RGS8: variants seen among roughly 807,000 people sequenced by gnomAD.
RGS8 encodes the protein regulator of G-protein signaling 8.
RGS8 carries 8 observed loss-of-function variants against 21.7 expected under a neutral mutation model. The ratio of observed to expected loss-of-function variants is 0.37; its 90% CI spans 0.22 to 0.66. RGS8 has a LOEUF of 0.66. Among genes scored for constraint, RGS8 ranks in the 30% least tolerant of loss-of-function variants. RGS8 has a pLI of 0.59. For missense variants in RGS8, 157 were observed against 217.9 expected (o/e 0.72, Z 1.76); for synonymous variants, 80 against 83.6 (o/e 0.96, Z 0.24).
chr1:182,713,329 G>A, the RGS8 span, among the ~76,000 whole-genome samples: 2 of 151,990 alleles, frequency 1.3e-5, no homozygotes, highest in East Asian at 3.9e-4. Context: ...GATTACAGGC[G>A]CATGCCACCA....
At chr1:182,733,386 T>C in the RGS8 span, among the ~76,000 whole-genome samples, 1 of 152,234 alleles carries the variant, frequency 6.6e-6, no homozygotes, top group Admixed American at 6.5e-5. Flanking sequence ...ATCCATCTGC[T>C]ATATGTTTAC....
chr1:182,651,310 T>A (rs1438156198), intron 5 of RGS8, among the ~76,000 whole-genome samples: 1 of 152,220 alleles, frequency 6.6e-6, no homozygotes, highest in African/African-American at 2.4e-5. Context: ...ATGCACTTAA[T>A]AAACCTAACC....
chr1:182,684,902 A>G (rs1664661565), upstream of RGS8, among the ~76,000 whole-genome samples: 1 of 152,210 alleles, frequency 6.6e-6, no homozygotes, highest in Admixed American at 6.5e-5. This position sits in a 1 kb window ranked among gnomAD's most constrained non-coding sequence, Gnocchi z 4.2. Flanking sequence ...GCTTTTGCTC[A>G]AAACATTCCA....
intron 5 of RGS8, among the ~76,000 whole-genome samples, chr1:182,652,089 A>C (rs1161534954): frequency 6.6e-6 from 1 of 152,254 alleles, no homozygotes. Flanking sequence ...TTTGTCTAAA[A>C]GAATAACTGG....
chr1:182,736,552 C>A, the RGS8 span, among the ~76,000 whole-genome samples: 1 of 152,166 alleles, frequency 6.6e-6, no homozygotes, highest in East Asian at 1.9e-4. Flanking sequence ...TTAGCAAAGC[C>A]CACTTCAAGA....
chr1:182,696,406 G>A, the RGS8 span, among the ~76,000 whole-genome samples: 2 of 152,262 alleles, frequency 1.3e-5, no homozygotes, highest in Admixed American at 6.5e-5. Context: ...CACCCAGGCT[G>A]GAATGTAGTG....
At chr1:182,675,702 A>C (rs929505810), upstream of RGS8, among the ~76,000 whole-genome samples, 5 of 152,144 alleles carry the variant, frequency 3.3e-5, no homozygotes, top group Non-Finnish European at 7.3e-5. Context: ...CCTCAAGCTA[A>C]AAATTCTCCT....
At chr1:182,731,137 AG>A in the RGS8 span, among the ~76,000 whole-genome samples, 1 of 152,234 alleles carries the variant, frequency 6.6e-6, no homozygotes, top group South Asian at 2.1e-4. Flanking sequence ...TCCCAAGCAT[AG>A]GCACTAATTG....
chr1:182,675,862 G>T (rs1038810756), upstream of RGS8, among the ~76,000 whole-genome samples: 35 of 152,204 alleles, frequency 2.3e-4, no homozygotes, highest in African/African-American at 8.2e-4. Context: ...CTGACTGTGT[G>T]CTCCAAAAAG....
the RGS8 span, among the ~76,000 whole-genome samples, chr1:182,716,890 G>GA: frequency 1.3e-5 from 2 of 152,276 alleles, no homozygotes; most frequent in Non-Finnish European, 2.9e-5. Context: ...GGATCAGGCA[G>GA]AAAATCAGGC....
At chr1:182,694,562 TTTG>T in the RGS8 span, among the ~76,000 whole-genome samples, 1 of 152,180 alleles carries the variant, frequency 6.6e-6, no homozygotes, top group East Asian at 1.9e-4. Flanking sequence ...ATCCCAGCAC[TTTG>T]GGAGGCCGAG....
exon 7 of RGS8, chr1:182,646,762 C>T: frequency 6.2e-7 from 1 of 1,613,970 alleles, no homozygotes; most frequent in Non-Finnish European, 8.5e-7. Flanking sequence ...GGCTTTGGGA[C>T]AGCAGATCTA....
the RGS8 span, among the ~76,000 whole-genome samples, chr1:182,732,947 C>T: frequency 6.6e-6 from 1 of 152,264 alleles, no homozygotes; most frequent in African/African-American, 2.4e-5. Flanking sequence ...AAAGCAAAGC[C>T]ATCACAGCTT....
exon 2 of RGS8, chr1:182,671,698 T>C (rs1423034096): frequency 6.2e-7 from 1 of 1,614,134 alleles, no homozygotes; most frequent in Admixed American, 1.7e-5. Context: ...CTTTGCCAAC[T>C]GGATGGTCAG....
At chr1:182,664,997 C>A (rs986694858) in intron 5 of RGS8, among the ~76,000 whole-genome samples, 24 of 152,192 alleles carry the variant, frequency 1.6e-4, no homozygotes, top group Admixed American at 2.0e-4. Flanking sequence ...GAGTCAAAAT[C>A]AAGAACGCAG....
chr1:182,650,037 A>G (rs1287977), intron 5 of RGS8, among the ~76,000 whole-genome samples: 14,980 of 151,590 alleles, frequency 0.099, 1,553 homozygotes, highest in African/African-American at 0.26. Flanking sequence ...TCAGCCTCCC[A>G]AATAGCTGGG....
At chr1:182,701,769 C>G in the RGS8 span, among the ~76,000 whole-genome samples, 1 of 152,178 alleles carries the variant, frequency 6.6e-6, no homozygotes, top group East Asian at 1.9e-4. Context: ...GCCATCTACC[C>G]TTGGATCTCC....
chr1:182,671,143 C>G (rs1321653810), intron 2 of RGS8, among the ~76,000 whole-genome samples: 1 of 152,224 alleles, frequency 6.6e-6, no homozygotes, highest in East Asian at 1.9e-4. Flanking sequence ...CTGGCTTGCC[C>G]ATGCTGTTCA....
At chr1:182,702,273 G>GT in the RGS8 span, among the ~76,000 whole-genome samples, 1 of 152,170 alleles carries the variant, frequency 6.6e-6, no homozygotes, top group African/African-American at 2.4e-5. Flanking sequence ...ATGGATGCAG[G>GT]TGGAGGCCAT....
Sources: gnomAD v4.1 joint callset for allele counts (sites outside exome capture counted in the v4.1 genomes callset) on GRCh38, gnomAD v4.1.1 for gene constraint, Gnocchi (gnomAD v3.1) non-coding constraint, MANE v1.5 for transcripts, NCBI Gene and HGNC (gene_info 2026-07-23, HGNC 2026-07-21) for gene names.